SLC7A11: variants seen among roughly 807,000 people sequenced by gnomAD.
SLC7A11 encodes solute carrier family 7 member 11, also known as cystine/glutamate transporter.
In SLC7A11, 35 loss-of-function variants were observed where a neutral mutation model predicts 54.5. The ratio of observed to expected loss-of-function variants is 0.64; its 90% CI spans 0.49 to 0.85. The LOEUF is 0.85. SLC7A11 is among the 40% of genes least tolerant of loss of function. The pLI is 0.00. For synonymous variants in SLC7A11, 230 were observed against 225.2 expected, an observed-to-expected ratio of 1.02 and a Z score of -0.19; for missense variants, 583 against 618.1, an observed-to-expected ratio of 0.94 and a Z score of 0.60.
At chr4:138,184,193 T>C (rs1207572437) in intron 7 of SLC7A11, among the ~76,000 whole-genome samples, 1 of 152,158 alleles carries the variant, frequency 6.6e-6, no homozygotes, top group Non-Finnish European at 1.5e-5. Context: ...GCTTTGTATA[T>C]TTGATTGTCT....
At chr4:138,208,782 T>C (rs1246593383) in intron 6 of SLC7A11, among the ~76,000 whole-genome samples, 1 of 85,694 alleles carries the variant, frequency 1.2e-5, no homozygotes, top group Non-Finnish European at 2.4e-5. Context: ...TTATAGATAA[T>C]TGGTAAAGGC....
intron 9 of SLC7A11, 105 bp from the exon 10 acceptor site, chr4:138,180,895 T>C (rs1736725444): frequency 1.8e-5 from 17 of 961,404 alleles, no homozygotes; most frequent in Non-Finnish European, 2.3e-5. Flanking sequence ...TAATTATTTA[T>C]ACCGATAAAT....
intron 6 of SLC7A11, among the ~76,000 whole-genome samples, chr4:138,191,941 C>T (rs1737022139): frequency 6.6e-6 from 1 of 151,974 alleles, no homozygotes; most frequent in Non-Finnish European, 1.5e-5. Flanking sequence ...TAACAAAAAA[C>T]TAAGAACACA....
intron 2 of SLC7A11, among the ~76,000 whole-genome samples, chr4:138,235,004 T>C (rs190115026): frequency 1.6e-4 from 24 of 152,288 alleles, no homozygotes; most frequent in Admixed American, 1.4e-3. Context: ...AGTATATGGG[T>C]TACAAAAAGA....
At chr4:138,241,162 G>A (rs1490500250) in intron 1 of SLC7A11, among the ~76,000 whole-genome samples, 6 of 152,148 alleles carry the variant, frequency 3.9e-5, no homozygotes, top group African/African-American at 1.4e-4. Context: ...AGAGATGAAA[G>A]GTTGAAAAGT....
chr4:138,182,371 C>T lies in SLC7A11; in HGVS notation c.1042G>A (p.Glu348Lys), dbSNP rs1736763803. ...VSRLFYVASR[E>K]GHLPEILSMI... The stretch of plus-strand genomic sequence containing the variant: ...GAGAGGATTTCTGGAAGGTGACCCT[C>T]TCGAGACGCAACATAGAATAACCTG... The change falls in exon 9 of 12, where the codon GAG becomes AAG. Residue 348 changes from glutamate (E) to lysine (K), a missense_variant. Transcript: ENST00000280612. 1 of 1,609,660 alleles carries T rather than the reference C, an allele frequency of 6.2e-7. No individual in the cohort carries two copies. The highest frequency in any genetic ancestry group is 8.5e-7 in the Non-Finnish European group (1 of 1,176,644).
In SLC7A11 at chr4:138,185,061, T is replaced by C. The variant is rs112270236; in HGVS notation, c.915+60A>G. Reference sequence around the variant, plus strand: ...CACTTTCTGCTAGAGGGAACTACTATAAAATTGCATCAGCTCATTAACCTA... The same window carrying C: ...CACTTTCTGCTAGAGGGAACTACTACAAAATTGCATCAGCTCATTAACCTA... On this transcript the variant is annotated intron_variant, in intron 7 of 11. Coordinates refer to ENST00000280612, the MANE Select transcript of SLC7A11 (RefSeq NM_014331.4). 4.3e-4 allele frequency: 678 copies of C among 1,588,344 alleles called. 3 individuals carry two copies. The African/African-American group carries it at 8.2e-3, about 19-fold the overall frequency.
At chr4:138,211,824 TA>T (rs1737556758) in intron 6 of SLC7A11, among the ~76,000 whole-genome samples, 4 of 151,498 alleles carry the variant, frequency 2.6e-5, no homozygotes, top group African/African-American at 7.3e-5. Flanking sequence ...ACGTGTGAGC[TA>T]AAAAAAAGTT....
At chr4:138,218,411 T>C (rs1737728488) in intron 5 of SLC7A11, among the ~76,000 whole-genome samples, 1 of 152,194 alleles carries the variant, frequency 6.6e-6, no homozygotes, top group South Asian at 2.1e-4. Context: ...CTTACTACAA[T>C]GATTTTGATA....
At position 138,207,890 on chromosome 4, in the gene SLC7A11, C is replaced by CA. The variant is rs534054015; in HGVS notation, c.791+6694dup. On this transcript the variant is annotated intron_variant, in intron 6 of 11. Transcript: ENST00000280612. ...AGGTAACGGTTATAAAACTGTCCTA[C>CA]AAGCAATAGGCCTTATAAAACAGTA... 2.5e-3 allele frequency among the ~76,000 whole-genome samples: 382 copies of CA among 152,162 alleles called. 1 individual carries two copies. The highest frequency in any genetic ancestry group is 9.0e-3 in the African/African-American group (372 of 41,542).
At chr4:138,233,188 C>T (rs1409024373) in intron 2 of SLC7A11, among the ~76,000 whole-genome samples, 8 of 142,488 alleles carry the variant, frequency 5.6e-5, no homozygotes, top group Non-Finnish European at 7.6e-5. Context: ...TATCTAATTT[C>T]TTTTTTTTTT....
chr4:138,197,894 A>C (rs1737178464), intron 6 of SLC7A11, among the ~76,000 whole-genome samples: 1 of 151,206 alleles, frequency 6.6e-6, no homozygotes, highest in African/African-American at 2.4e-5. Context: ...ATAAAAATAC[A>C]TTAATTTTAT....
chr4:138,199,079 A>G (rs1220449062), intron 6 of SLC7A11, among the ~76,000 whole-genome samples: 1 of 152,142 alleles, frequency 6.6e-6, no homozygotes, highest in African/African-American at 2.4e-5. Context: ...GGCCTTGGGA[A>G]TCAGACAATA....
chr4:138,177,765 C>A (rs868703892), intron 11 of SLC7A11: 1 of 152,072 alleles, frequency 6.6e-6, no homozygotes, highest in Non-Finnish European at 1.5e-5. Context: ...TTCATAAGCA[C>A]CCTTCCTACC....
intron 6 of SLC7A11, among the ~76,000 whole-genome samples, chr4:138,201,916 C>T (rs193202180): frequency 2.6e-5 from 4 of 152,054 alleles, no homozygotes; most frequent in Admixed American, 6.6e-5. Flanking sequence ...TGACAAGGAT[C>T]GCTCCCTCTC....
chr4:138,191,155 T>C (rs1418115592), intron 6 of SLC7A11, among the ~76,000 whole-genome samples: 1 of 152,206 alleles, frequency 6.6e-6, no homozygotes, highest in Non-Finnish European at 1.5e-5. Flanking sequence ...CTGTGGTTCA[T>C]GTTCATGCTT....
At chr4:138,200,555 A>G (rs774181659) in intron 6 of SLC7A11, among the ~76,000 whole-genome samples, 3 of 152,136 alleles carry the variant, frequency 2.0e-5, no homozygotes, top group African/African-American at 4.8e-5. Flanking sequence ...CAAGGCTAAA[A>G]TCTTGCCATA....
rs866918903 is a variant in SLC7A11 at position 138,219,180 on chromosome 4, C to T, written c.746+86G>A. 7.9e-6 allele frequency: 6 copies of T among 757,910 alleles called. No individual in the cohort carries two copies. The South Asian group carries it at 8.1e-5, about 10-fold the overall frequency. 46.9% of individuals were successfully genotyped at this position (757,910 alleles called of 1,614,324 possible). A position where few individuals can be genotyped will look rare whatever the true frequency, so the allele number is the denominator to read the frequency against. ...ACTGGATTATGGCTATTCACATTTG[C>T]CTGGCACCTTGCTTGGCACTTAATC... On this transcript the variant is annotated intron_variant, in intron 5 of 11. Transcript: ENST00000280612.
chr4:138,193,791 C>A (rs1350789741), intron 6 of SLC7A11, among the ~76,000 whole-genome samples: 1 of 152,080 alleles, frequency 6.6e-6, no homozygotes, highest in Non-Finnish European at 1.5e-5. Context: ...AAGAGTGAGA[C>A]TTCATCTTAA....
Sources: allele counts gnomAD v4.1 joint callset (sites outside exome capture counted in the v4.1 genomes callset), GRCh38; gene constraint gnomAD v4.1.1; transcripts MANE v1.5; gene names NCBI Gene and HGNC (gene_info 2026-07-23, HGNC 2026-07-21).